Variants in DPP10 observed in about 807,000 individuals in gnomAD.
DPP10 encodes dipeptidyl peptidase like 10, also known as inactive dipeptidyl peptidase 10.
DPP10 carries 33 observed loss-of-function variants against 120.9 expected under a neutral mutation model. The ratio of observed to expected loss-of-function variants is 0.27; its 90% CI spans 0.21 to 0.37. The LOEUF (loss-of-function observed/expected upper bound fraction) is 0.37, where lower values mean the gene tolerates loss of function less well. DPP10 is among the 10% of genes least tolerant of loss of function. DPP10 has a pLI of 1.00. For missense variants in DPP10, 816 were observed against 942.8 expected (o/e 0.87, Z 1.76); for synonymous variants, 337 against 326.1 (o/e 1.03, Z -0.36).
intron 1 of DPP10, among the ~76,000 whole-genome samples, chr2:114,825,677 G>T (rs1280595626): frequency 6.6e-6 from 1 of 152,066 alleles, no homozygotes; most frequent in Non-Finnish European, 1.5e-5. Flanking sequence ...TCCAAACACA[G>T]ACCCAGAATT....
chr2:115,240,739 AAAGTATGCCCATACT>A (rs1207247247), intron 1 of DPP10, among the ~76,000 whole-genome samples: 1 of 152,232 alleles, frequency 6.6e-6, no homozygotes, highest in Non-Finnish European at 1.5e-5. Flanking sequence ...CAATGTCTTC[AAAGTATGCCCATACT>A]AAGTACCCAC....
intron 1 of DPP10, among the ~76,000 whole-genome samples, chr2:115,081,439 A>ATTTCT (rs1708267053): frequency 6.6e-6 from 1 of 152,148 alleles, no homozygotes; most frequent in Non-Finnish European, 1.5e-5. Flanking sequence ...TTTCTATGAT[A>ATTTCT]TATTTTTCCA....
intron 1 of DPP10, among the ~76,000 whole-genome samples, chr2:115,093,718 A>C (rs1413051046): frequency 3.3e-5 from 5 of 152,084 alleles, no homozygotes; most frequent in Admixed American, 6.6e-5. Flanking sequence ...AATTATATAC[A>C]TATATGCAGA....
At chr2:114,893,982 A>T (rs576399779) in intron 1 of DPP10, among the ~76,000 whole-genome samples, 1 of 152,166 alleles carries the variant, frequency 6.6e-6, no homozygotes, top group African/African-American at 2.4e-5. Flanking sequence ...TTCCTCATGG[A>T]TATTTTTCAT....
intron 1 of DPP10, among the ~76,000 whole-genome samples, chr2:114,610,714 A>T (rs1405705008): frequency 1.3e-5 from 2 of 152,144 alleles, no homozygotes; most frequent in Non-Finnish European, 2.9e-5. Context: ...CCCACAGTTA[A>T]CAAACAAACA....
chr2:115,770,611 AAC>A (rs1681345534), intron 13 of DPP10, among the ~76,000 whole-genome samples: 1 of 152,168 alleles, frequency 6.6e-6, no homozygotes, highest in African/African-American at 2.4e-5. Context: ...CATAACTTTG[AAC>A]ACACACAAAC....
rs373594330 is a variant in DPP10 at position 115,007,693 on chromosome 2, G to A, written c.61-301546G>A. Among the ~76,000 whole-genome samples the A allele has an allele frequency of 7.4e-4, 112 of 151,706 alleles. 3 individuals carry two copies. Among genetic ancestry groups the A allele is most frequent in the Admixed American group, 2.4e-3 (37 of 15,198 alleles). The stretch of plus-strand genomic sequence containing the variant: ...CTAGAAAACCCCATTGTCTCAGCCC[G>A]AAATCTCCTTAAGCTGATAAGCAAC... On this transcript the variant is annotated intron_variant, in intron 1 of 25. Coordinates refer to ENST00000410059, the MANE Select transcript of DPP10 (RefSeq NM_020868.6).
chr2:115,315,360 G>T (rs1395886458), intron 2 of DPP10, among the ~76,000 whole-genome samples: 2 of 152,048 alleles, frequency 1.3e-5, no homozygotes, highest in African/African-American at 2.4e-5. Context: ...TTATTGGACT[G>T]ATGACAGCTG....
At chr2:115,357,084 A>G (rs551718731) in intron 3 of DPP10, among the ~76,000 whole-genome samples, 10 of 152,238 alleles carry the variant, frequency 6.6e-5, no homozygotes, top group African/African-American at 2.4e-4. Context: ...TGTGTACTCA[A>G]TATATATTTC....
intron 1 of DPP10, among the ~76,000 whole-genome samples, chr2:114,552,873 T>C (rs964801868): frequency 6.6e-6 from 1 of 152,166 alleles, no homozygotes; most frequent in African/African-American, 2.4e-5. Context: ...ATTCTCAGTT[T>C]TTATCTTTAA....
At chr2:115,807,452 T>C (rs1686122149) in intron 19 of DPP10, among the ~76,000 whole-genome samples, 1 of 152,172 alleles carries the variant, frequency 6.6e-6, no homozygotes, top group African/African-American at 2.4e-5. Flanking sequence ...CAATAAGGCT[T>C]TCAGTTTTTG....
At chr2:115,207,574 C>G (rs1212844725) in intron 1 of DPP10, among the ~76,000 whole-genome samples, 1 of 151,976 alleles carries the variant, frequency 6.6e-6, no homozygotes. Context: ...TTGTATCACA[C>G]GTAGATGGGA....
At chr2:114,997,140 CCAAT>C (rs1170960495) in intron 1 of DPP10, among the ~76,000 whole-genome samples, 1 of 151,306 alleles carries the variant, frequency 6.6e-6, no homozygotes, top group African/African-American at 2.4e-5. Flanking sequence ...TTTTCTTCCC[CCAAT>C]CAATCTAACT....
intron 5 of DPP10, among the ~76,000 whole-genome samples, chr2:115,656,173 T>A (rs541408437): frequency 4.7e-5 from 7 of 149,028 alleles, no homozygotes; most frequent in Admixed American, 1.3e-4. Context: ...CACACACATT[T>A]ATTACCTTGA....
intron 1 of DPP10, among the ~76,000 whole-genome samples, chr2:114,820,297 G>A (rs1264738006): frequency 1.3e-5 from 2 of 152,088 alleles, no homozygotes; most frequent in Non-Finnish European, 2.9e-5. Flanking sequence ...AGAGGCAGAG[G>A]CAATAATAAT....
intron 2 of DPP10, among the ~76,000 whole-genome samples, chr2:115,339,289 AT>A (rs906276426): frequency 4.6e-5 from 7 of 150,734 alleles, no homozygotes; most frequent in East Asian, 1.9e-4. Context: ...AAGAATAGCC[AT>A]TTTTTTTTAA....
chr2:115,731,683 G>T (rs1418991586), intron 8 of DPP10, among the ~76,000 whole-genome samples: 1 of 152,062 alleles, frequency 6.6e-6, no homozygotes, highest in Admixed American at 6.5e-5. Flanking sequence ...TGTTATAGGG[G>T]GATGTCCTTC....
chr2:115,373,306 AG>A (rs1163238421), intron 3 of DPP10, among the ~76,000 whole-genome samples: 9 of 152,228 alleles, frequency 5.9e-5, no homozygotes, highest in Admixed American at 5.9e-4. Flanking sequence ...ATAGATGTTT[AG>A]GGAGGTCTTA....
At chr2:115,048,989 A>G (rs1398486132) in intron 1 of DPP10, among the ~76,000 whole-genome samples, 3 of 152,046 alleles carry the variant, frequency 2.0e-5, no homozygotes, top group African/African-American at 4.8e-5. Context: ...ATGTTTTCCC[A>G]TAGTTTAATC....
Sources: allele counts gnomAD v4.1 joint callset (sites outside exome capture counted in the v4.1 genomes callset), GRCh38; gene constraint gnomAD v4.1.1; transcripts MANE v1.5; gene names NCBI Gene and HGNC (gene_info 2026-07-23, HGNC 2026-07-21).